TMEM233: variants seen among roughly 807,000 people sequenced by gnomAD.
TMEM233 encodes the protein dispanin subfamily B member 2.
Under a neutral mutation model 11.2 loss-of-function variants are expected in TMEM233, and 6 were observed. That is an observed-to-expected ratio of 0.54 (90% CI 0.29 to 1.06). The LOEUF is 1.06. Among genes scored for constraint, TMEM233 ranks in the 50% least tolerant of loss-of-function variants. The pLI, the probability that TMEM233 is intolerant of heterozygous loss-of-function variation, is 0.08. For missense variants in TMEM233, 127 were observed against 144.7 expected (o/e 0.88, Z 0.63); for synonymous variants, 59 against 55.8 (o/e 1.06, Z -0.26).
At chr12:119,644,340 G>A (rs1248697138), downstream of TMEM233, among the ~76,000 whole-genome samples, 1 of 151,972 alleles carries the variant, frequency 6.6e-6, no homozygotes, top group African/African-American at 2.4e-5. Context: ...ACTCTTACCA[G>A]AAGAAGGAGA....
At chr12:119,614,606 G>T (rs1954484267) in intron 1 of TMEM233, among the ~76,000 whole-genome samples, 1 of 152,118 alleles carries the variant, frequency 6.6e-6, no homozygotes, top group African/African-American at 2.4e-5. Flanking sequence ...TTTCTTTGGG[G>T]CATAATAAAA....
intron 1 of TMEM233, among the ~76,000 whole-genome samples, chr12:119,614,544 A>C (rs1401330440): frequency 6.6e-6 from 1 of 152,208 alleles, no homozygotes; most frequent in Non-Finnish European, 1.5e-5. Context: ...ATTTAAGTAA[A>C]GTCATCTACC....
chr12:119,626,389 G>A (rs1430839855), intron 1 of TMEM233, among the ~76,000 whole-genome samples: 1 of 151,254 alleles, frequency 6.6e-6, no homozygotes, highest in Non-Finnish European at 1.5e-5. Flanking sequence ...AGAATGGCTT[G>A]AACCCAGGAG....
chr12:119,618,036 G>C (rs986230307), intron 1 of TMEM233, among the ~76,000 whole-genome samples: 2 of 152,230 alleles, frequency 1.3e-5, no homozygotes, highest in African/African-American at 2.4e-5. Flanking sequence ...ACCCCCTGCT[G>C]TGTGCAGCCT....
chr12:119,610,015 G>T (rs1954363543), intron 1 of TMEM233, among the ~76,000 whole-genome samples: 1 of 152,178 alleles, frequency 6.6e-6, no homozygotes, highest in Non-Finnish European at 1.5e-5. Context: ...CTCAACACCA[G>T]CCATGGAAGC....
At chr12:119,615,341 T>C (rs941852290) in intron 1 of TMEM233, among the ~76,000 whole-genome samples, 9 of 152,102 alleles carry the variant, frequency 5.9e-5, no homozygotes, top group Non-Finnish European at 1.0e-4. Context: ...GCCACACAGG[T>C]GATACTCAAG....
rs117534246 is a variant in TMEM233, at chr12:119,615,164, G to A, written c.187-14572G>A. ...CAAACCCTCAGGTCTCAGTCTACCC[G>A]CTTTCTGCTAAAAAAAAAAAAAAAA... On this transcript the variant is annotated intron_variant, in intron 1 of 2. Coordinates refer to ENST00000426426, the MANE Select transcript of TMEM233 (RefSeq NM_001136534.3). Among the ~76,000 whole-genome samples the A allele has an allele frequency of 1.3e-4, 10 of 74,414 alleles. No homozygotes were observed. In the East Asian group the frequency reaches 2.3e-3, roughly 17 times the overall value. The allele number at this position is 74,414 out of a possible 152,430, so 48.8% of individuals were successfully genotyped here.
At chr12:119,627,813 C>A (rs1296123600) in intron 1 of TMEM233, among the ~76,000 whole-genome samples, 1 of 152,166 alleles carries the variant, frequency 6.6e-6, no homozygotes, top group Non-Finnish European at 1.5e-5. Context: ...ACTCAAAGCT[C>A]CTCTCCATAA....
intron 1 of TMEM233, among the ~76,000 whole-genome samples, chr12:119,597,071 T>A (rs1416874086): frequency 6.6e-6 from 1 of 152,194 alleles, no homozygotes; most frequent in Admixed American, 6.5e-5. Context: ...ATAGTGCAGC[T>A]CTGGACTTGA....
chr12:119,602,509 T>C (rs567792167), intron 1 of TMEM233, among the ~76,000 whole-genome samples: 5 of 152,350 alleles, frequency 3.3e-5, no homozygotes, highest in Non-Finnish European at 5.9e-5. Context: ...TGGTTCCAGA[T>C]GATGAAGACC....
intron 1 of TMEM233, among the ~76,000 whole-genome samples, chr12:119,616,609 G>A (rs1199323546): frequency 6.6e-6 from 1 of 152,206 alleles, no homozygotes; most frequent in Non-Finnish European, 1.5e-5. Context: ...TTTCTCTGTG[G>A]TGATGGAGCA....
At chr12:119,600,518 G>C (rs1295182101) in intron 1 of TMEM233, among the ~76,000 whole-genome samples, 2 of 152,162 alleles carry the variant, frequency 1.3e-5, no homozygotes, top group Non-Finnish European at 2.9e-5. Context: ...CAAAAAGATG[G>C]AAAATATGGA....
chr12:119,653,176 G>A, the TMEM233 span, among the ~76,000 whole-genome samples: 123,521 of 151,894 alleles, frequency 0.81, 50,474 homozygotes, highest in Middle Eastern at 0.87. Flanking sequence ...GATGGATCAC[G>A]AGGTCAGGAG....
rs927169198 is a variant in TMEM233, at chr12:119,641,601, T to G, written c.*896T>G. On this transcript the variant is annotated 3_prime_UTR_variant, in exon 3 of 3. Coordinates refer to ENST00000426426, the MANE Select transcript of TMEM233 (RefSeq NM_001136534.3). ...GAAATGCCACCCATTGTGTTTCTTT[T>G]CTGTCAAATGTAAACCCTTTAGATG... The G allele has an allele frequency of 2.6e-5, 4 of 152,250 alleles. No individual in the cohort carries two copies. The highest frequency in any genetic ancestry group is 5.9e-5 in the Non-Finnish European group (4 of 68,050). 9.4% of individuals were successfully genotyped at this position (152,250 alleles called of 1,614,324 possible).
At chr12:119,619,460 G>A (rs1954600326) in intron 1 of TMEM233, among the ~76,000 whole-genome samples, 1 of 151,998 alleles carries the variant, frequency 6.6e-6, no homozygotes, top group Non-Finnish European at 1.5e-5. Flanking sequence ...GGGCAACATG[G>A]CACAACCTCA....
chr12:119,629,083 A>G (rs1954822516), intron 1 of TMEM233, among the ~76,000 whole-genome samples: 1 of 152,212 alleles, frequency 6.6e-6, no homozygotes, highest in Admixed American at 6.5e-5. Context: ...CATCTTCTAC[A>G]TGGCAAGTAT....
intron 1 of TMEM233, among the ~76,000 whole-genome samples, chr12:119,624,031 G>T (rs1394684254): frequency 7.9e-5 from 12 of 152,010 alleles, no homozygotes; most frequent in African/African-American, 2.9e-4. Flanking sequence ...TAGACCAGAA[G>T]TTTTCAATCC....
chr12:119,638,488 A>T (rs553889535), intron 2 of TMEM233, among the ~76,000 whole-genome samples: 1 of 152,262 alleles, frequency 6.6e-6, no homozygotes, highest in South Asian at 2.1e-4. Context: ...AAAAATTTTT[A>T]AAAACAATGC....
At chr12:119,649,164 G>A in the TMEM233 span, among the ~76,000 whole-genome samples, 1 of 152,114 alleles carries the variant, frequency 6.6e-6, no homozygotes, top group Admixed American at 6.5e-5. Context: ...CGAGAGTGGT[G>A]GTGCATGCTT....
Sources: gnomAD v4.1 joint callset for allele counts (sites outside exome capture counted in the v4.1 genomes callset) on GRCh38, gnomAD v4.1.1 for gene constraint, MANE v1.5 for transcripts, NCBI Gene and HGNC (gene_info 2026-07-23, HGNC 2026-07-21) for gene names.